Variants in WWOX observed in about 807,000 individuals in gnomAD.
The protein encoded by WWOX is WW domain containing oxidoreductase.
A neutral mutation model predicts 46.2 loss-of-function variants in WWOX; 69 were observed. The observed-to-expected ratio is 1.49, with a 90% CI of 1.23 to 1.82. The LOEUF is 1.82. Ranked by LOEUF, WWOX falls within the 40% of genes most tolerant of loss-of-function variation. The pLI is 0.00. For missense variants in WWOX, 919 were observed against 542.6 expected, an observed-to-expected ratio of 1.69 and a Z score of -6.89; for synonymous variants, 359 against 202.6, an observed-to-expected ratio of 1.77 and a Z score of -6.56.
chr16:79,078,350 CAG>C lies in WWOX; in HGVS notation c.1057-133257_1057-133256del, dbSNP rs2048698995. On this transcript the variant is annotated intron_variant, in intron 8 of 8. Coordinates refer to ENST00000566780, the MANE Select transcript of WWOX (RefSeq NM_016373.4). ...TTTGTTACTTGCAAGGCAGGCATCA[CAG>C]GGCTGCTCCTGGCCATGCATAGCTT... The C allele has an allele frequency of 2.6e-5, 4 of 152,216 alleles. No individual in the cohort carries two copies. The South Asian group carries it at 8.3e-4, about 31-fold the overall frequency. The allele number at this position is 152,216 out of a possible 1,614,324, so 9.4% of individuals were successfully genotyped here.
chr16:78,933,298 G>T (rs1030877582), intron 8 of WWOX, among the ~76,000 whole-genome samples: 1 of 152,174 alleles, frequency 6.6e-6, no homozygotes, highest in South Asian at 2.1e-4. Context: ...AATTAGCTGA[G>T]CATGGTGTCA....
rs149748312 is a variant in WWOX at position 79,130,289 on chromosome 16, C to A, written c.1057-81319C>A. ...TATAAAGTGCTTAGCATAGTGCCTG[C>A]CACTTAGACCTCAAAATATATTGTT... On this transcript the variant is annotated intron_variant, in intron 8 of 8. Transcript: ENST00000566780. Among the ~76,000 whole-genome samples, 103 of 152,210 alleles carry A rather than the reference C, an allele frequency of 6.8e-4. 1 individual carries two copies. In the East Asian group the frequency reaches 0.017, roughly 25 times the overall value.
chr16:78,575,498 G>A (rs970925054), intron 8 of WWOX, among the ~76,000 whole-genome samples: 1 of 151,932 alleles, frequency 6.6e-6, no homozygotes, highest in Non-Finnish European at 1.5e-5. Flanking sequence ...GGACAAGAAG[G>A]CACAAATCGT....
intron 8 of WWOX, among the ~76,000 whole-genome samples, chr16:78,471,223 C>G (rs1597131909): frequency 1.3e-5 from 2 of 152,284 alleles, no homozygotes; most frequent in African/African-American, 2.4e-5. Flanking sequence ...ATTCTTCATC[C>G]AGGATCTGCT....
chr16:78,652,208 G>C (rs900915843), intron 8 of WWOX, among the ~76,000 whole-genome samples: 1 of 140,314 alleles, frequency 7.1e-6, no homozygotes, highest in African/African-American at 2.6e-5. Flanking sequence ...TCAAGAGATC[G>C]AGACCATCCT....
At chr16:78,561,045 C>T (rs1314068527) in intron 8 of WWOX, among the ~76,000 whole-genome samples, 1 of 152,164 alleles carries the variant, frequency 6.6e-6, no homozygotes, top group African/African-American at 2.4e-5. Flanking sequence ...TTCCTGCATG[C>T]TCTGTGGAAG....
chr16:78,377,520 A>G (rs889833071), intron 5 of WWOX, among the ~76,000 whole-genome samples: 2 of 152,246 alleles, frequency 1.3e-5, no homozygotes, highest in African/African-American at 4.8e-5. Context: ...CACTTACATT[A>G]GAATGAAAAA....
chr16:78,228,818 C>T (rs1367954428), intron 5 of WWOX, among the ~76,000 whole-genome samples: 1 of 152,160 alleles, frequency 6.6e-6, no homozygotes, highest in Non-Finnish European at 1.5e-5. Flanking sequence ...CTCTCTCCTT[C>T]CTGGAGGTGT....
chr16:79,106,421 G>C (rs561742371), intron 8 of WWOX, among the ~76,000 whole-genome samples: 30 of 151,952 alleles, frequency 2.0e-4, no homozygotes, highest in Non-Finnish European at 4.1e-4. Context: ...AAATTCTACT[G>C]ACTTAATCAA....
At chr16:78,654,837 G>GGGTC (rs1193993798) in intron 8 of WWOX, among the ~76,000 whole-genome samples, 1 of 151,826 alleles carries the variant, frequency 6.6e-6, no homozygotes, top group Non-Finnish European at 1.5e-5. Context: ...TTCTTCAGTA[G>GGGTC]GGTCGTAAGG....
intron 5 of WWOX, among the ~76,000 whole-genome samples, chr16:78,179,974 C>G (rs996617306): frequency 2.0e-5 from 3 of 152,166 alleles, no homozygotes; most frequent in Non-Finnish European, 4.4e-5. Flanking sequence ...TAGGAGGGGA[C>G]AGATCGGCTG....
At chr16:78,252,724 T>G (rs1567458870) in intron 5 of WWOX, among the ~76,000 whole-genome samples, 1 of 152,202 alleles carries the variant, frequency 6.6e-6, no homozygotes, top group Non-Finnish European at 1.5e-5. Context: ...TACCTCTAGA[T>G]AACACAATAC....
rs1233621597 is a variant in WWOX, at chr16:78,221,775, G to A, written c.516+57486G>A. Among the ~76,000 whole-genome samples, 6 of 152,220 alleles carry A rather than the reference G, an allele frequency of 3.9e-5. No individual in the cohort carries two copies. The East Asian group carries it at 1.2e-3, about 29-fold the overall frequency. Reference sequence around the variant, plus strand: ...TCCATTCATGTGTAATCCCGTATTTGGAAGGTTTGTAATTTGTTTTTGACA... The same window carrying A: ...TCCATTCATGTGTAATCCCGTATTTAGAAGGTTTGTAATTTGTTTTTGACA... On this transcript the variant is annotated intron_variant, in intron 5 of 8. Coordinates refer to ENST00000566780, the MANE Select transcript of WWOX (RefSeq NM_016373.4).
chr16:79,118,781 AC>A (rs2049569596), intron 8 of WWOX, among the ~76,000 whole-genome samples: 1 of 152,194 alleles, frequency 6.6e-6, no homozygotes, highest in Admixed American at 6.5e-5. Flanking sequence ...TCATTGCCAT[AC>A]GCCCATTTGG....
intron 5 of WWOX, among the ~76,000 whole-genome samples, chr16:78,293,741 GCC>G (rs2079896513): frequency 1.3e-5 from 2 of 152,044 alleles, no homozygotes; most frequent in African/African-American, 4.8e-5. Context: ...ACTTTGAGAG[GCC>G]GAGGCTGGCA....
At chr16:78,658,251 A>G (rs1443072042) in intron 8 of WWOX, among the ~76,000 whole-genome samples, 3 of 152,198 alleles carry the variant, frequency 2.0e-5, no homozygotes, top group Non-Finnish European at 2.9e-5. Context: ...TCTTTCCATG[A>G]GAAAGTATTT....
intron 8 of WWOX, among the ~76,000 whole-genome samples, chr16:79,082,383 G>C (rs1410812003): frequency 2.6e-5 from 4 of 152,118 alleles, no homozygotes; most frequent in Non-Finnish European, 5.9e-5. Flanking sequence ...CAACTGCATG[G>C]ATTTGTTATG....
In WWOX at chr16:78,347,135, C is replaced by T. The variant is rs987008671; in HGVS notation, c.517-39725C>T. On this transcript the variant is annotated intron_variant, in intron 5 of 8. Transcript: ENST00000566780. ...AGTGTATTGACAGGTGTGCAGTCATCGTCACAATCAAGCCATAGCTTCTTT... is the reference window on the plus strand; with the variant it reads ...AGTGTATTGACAGGTGTGCAGTCATTGTCACAATCAAGCCATAGCTTCTTT... 2.5e-5 allele frequency among the ~76,000 whole-genome samples: 3 copies of T among 118,718 alleles called. 1 individual carries two copies. The highest frequency in any genetic ancestry group is 4.0e-5 in the Non-Finnish European group (2 of 49,970). The allele number at this position is 118,718 out of a possible 152,430, so 77.9% of individuals were successfully genotyped here. A position where few individuals can be genotyped will look rare whatever the true frequency, so the allele number is the denominator to read the frequency against.
chr16:79,064,254 C>G (rs1429378706), intron 8 of WWOX, among the ~76,000 whole-genome samples: 1 of 152,168 alleles, frequency 6.6e-6, no homozygotes, highest in Admixed American at 6.5e-5. Context: ...AAAGAAAATA[C>G]AAACCCATCC....
Sources: allele counts gnomAD v4.1 joint callset (sites outside exome capture counted in the v4.1 genomes callset), GRCh38; gene constraint gnomAD v4.1.1; transcripts MANE v1.5; gene names NCBI Gene and HGNC (gene_info 2026-07-23, HGNC 2026-07-21).